KIF2A: variants seen among roughly 807,000 people sequenced by gnomAD.
KIF2A encodes the protein kinesin-like protein KIF2A.
A neutral mutation model predicts 100.2 loss-of-function variants in KIF2A; 22 were observed. The observed-to-expected ratio is 0.22, with a 90% CI of 0.16 to 0.31. The LOEUF (loss-of-function observed/expected upper bound fraction) is 0.31. Among genes scored for constraint, KIF2A ranks in the 10% least tolerant of loss-of-function variants. The pLI, the probability that KIF2A is intolerant of heterozygous loss-of-function variation, is 1.00. For missense variants in KIF2A, 495 were observed against 898.7 expected (o/e 0.55, Z 5.74); for synonymous variants, 268 against 285.9 (o/e 0.94, Z 0.63).
intron 1 of KIF2A, among the ~76,000 whole-genome samples, chr5:62,315,834 T>C (rs1745792881): frequency 6.6e-6 from 1 of 152,150 alleles, no homozygotes; most frequent in East Asian, 1.9e-4. Flanking sequence ...GTAGCATGGA[T>C]AAGATTGCAT....
In KIF2A at chr5:62,353,906, T is replaced by C. The variant is rs185935510; in HGVS notation, c.558+531T>C. On this transcript the variant is annotated intron_variant, in intron 6 of 20. Coordinates refer to ENST00000407818, the MANE Select transcript of KIF2A (RefSeq NM_001098511.3). ...GACTGTTTAATAGCAGTGGGAAAATTGCATAGAAAACTGGTCTTTTACTCT... is the reference window on the plus strand; with the variant it reads ...GACTGTTTAATAGCAGTGGGAAAATCGCATAGAAAACTGGTCTTTTACTCT... Among the ~76,000 whole-genome samples the C allele has an allele frequency of 4.2e-3, 642 of 151,922 alleles. 8 individuals carry two copies. The highest frequency in any genetic ancestry group is 0.015 in the African/African-American group (605 of 41,268).
At chr5:62,362,919 T>G (rs778239316) in intron 12 of KIF2A, among the ~76,000 whole-genome samples, 3 of 152,202 alleles carry the variant, frequency 2.0e-5, no homozygotes, top group Non-Finnish European at 2.9e-5. Flanking sequence ...TTCAATCTCC[T>G]GAGCTCAAGT....
In KIF2A at chr5:62,352,567, AT is replaced by A. The variant is rs762620321; in HGVS notation, c.335-9del. On this transcript the variant is annotated intron_variant, in intron 4 of 20. Transcript: ENST00000407818. ...ACTAATTTTCTATCCTGAATTTAAA[AT>A]TTTTTTTTTTTACTTACAGTGGTTG... 52,753 of 929,956 alleles carry A rather than the reference AT, an allele frequency of 0.057. No individual in the cohort carries two copies. The highest frequency in any genetic ancestry group is 0.083 in the South Asian group (4,045 of 48,600). The allele number at this position is 929,956 out of a possible 1,614,324, so 57.6% of individuals were successfully genotyped here.
In KIF2A at chr5:62,362,505, A is replaced by G; in HGVS notation, c.1083A>G (p.Gln361=). 2 of 1,460,502 alleles carry G rather than the reference A, an allele frequency of 1.4e-6. No homozygotes were observed. Among genetic ancestry groups the G allele is most frequent in the South Asian group, 1.6e-5 (1 of 62,418 alleles). 90.5% of individuals were successfully genotyped at this position (1,460,502 alleles called of 1,614,324 possible). The change falls in exon 12 of 21, where the codon CAA becomes CAG. Residue 361 remains glutamine (Q), a synonymous_variant. Coordinates refer to ENST00000407818, the MANE Select transcript of KIF2A (RefSeq NM_001098511.3). The part of the protein sequence containing the change: ...KKPNYKKLEL[Q]VYATFFEIYS... ...CAAACTATAAGAAGCTAGAACTTCA[A>G]GTATATGCAACCTTCTTTGAAATTT...
chr5:62,326,145 T>C (rs1705276787), intron 1 of KIF2A, among the ~76,000 whole-genome samples: 1 of 152,190 alleles, frequency 6.6e-6, no homozygotes, highest in Admixed American at 6.5e-5. Flanking sequence ...AAAATGCCTC[T>C]GCAGACCAAA....
At chr5:62,374,494 T>G (rs1160221661) in intron 18 of KIF2A, among the ~76,000 whole-genome samples, 1 of 152,160 alleles carries the variant, frequency 6.6e-6, no homozygotes, top group African/African-American at 2.4e-5. Context: ...GGGAAAAATT[T>G]AAAGTAATAT....
rs1240411743 is a variant in KIF2A, at chr5:62,390,274, A to G, written c.*4705A>G. Among the ~76,000 whole-genome samples, 1 of 152,256 alleles carries G rather than the reference A, an allele frequency of 6.6e-6. No individual in the cohort carries two copies. The highest frequency in any genetic ancestry group is 1.5e-5 in the Non-Finnish European group (1 of 68,048). ...TTAATTGAAGCCTTATTCTGTTTTC[A>G]TAAGACTTACTTGCTTAATTCAAGC... On this transcript the variant is annotated 3_prime_UTR_variant, in exon 21 of 21. Coordinates refer to ENST00000407818, the MANE Select transcript of KIF2A (RefSeq NM_001098511.3).
In KIF2A at chr5:62,340,000, G is replaced by A. The variant is rs140388798; in HGVS notation, c.65-7130G>A. Among the ~76,000 whole-genome samples, 911 of 149,294 alleles carry A rather than the reference G, an allele frequency of 6.1e-3. 5 individuals are homozygous for A. The highest frequency in any genetic ancestry group is 0.011 in the Admixed American group (157 of 14,906). ...ATTGTCCAGGCTGGAGTGCAATGGC[G>A]CGATCTTGGCTCACTGCAACCTCTG... is the stretch of plus-strand genomic sequence containing the variant. On this transcript the variant is annotated intron_variant, in intron 1 of 20. Coordinates refer to ENST00000407818, the MANE Select transcript of KIF2A (RefSeq NM_001098511.3).
intron 1 of KIF2A, among the ~76,000 whole-genome samples, chr5:62,310,381 C>T (rs1745504333): frequency 6.6e-6 from 1 of 152,298 alleles, no homozygotes; most frequent in East Asian, 1.9e-4. Flanking sequence ...TCCCTGAATG[C>T]ATCTGTGTCA....
intron 9 of KIF2A, among the ~76,000 whole-genome samples, chr5:62,360,543 G>C (rs1225850831): frequency 6.6e-6 from 1 of 152,130 alleles, no homozygotes. Context: ...AAATTAGCTG[G>C]GTGTGGTGGC....
At chr5:62,330,687 A>G (rs1474379907) in intron 1 of KIF2A, among the ~76,000 whole-genome samples, 1 of 152,146 alleles carries the variant, frequency 6.6e-6, no homozygotes, top group Non-Finnish European at 1.5e-5. Flanking sequence ...ACAGGAGATA[A>G]CTAGATTTTA....
At chr5:62,339,777 A>C (rs78760696) in intron 1 of KIF2A, among the ~76,000 whole-genome samples, 99 of 151,222 alleles carry the variant, frequency 6.5e-4, no homozygotes, top group African/African-American at 1.7e-3. Context: ...AAAAAAAAAA[A>C]CACACAGGTC....
chr5:62,319,085 T>C (rs1745973856), intron 1 of KIF2A, among the ~76,000 whole-genome samples: 2 of 151,860 alleles, frequency 1.3e-5, no homozygotes, highest in Middle Eastern at 3.4e-3. Flanking sequence ...CTTTTGGTCA[T>C]GCTAGCATTA....
rs1267732874 is a variant in KIF2A, at chr5:62,311,854, A to AAT, written c.64+5319_64+5320dup. The AAT allele has an allele frequency of 2.6e-5, 4 of 152,176 alleles. No homozygotes were observed. The South Asian group carries it at 6.2e-4, about 24-fold the overall frequency. The allele number at this position is 152,176 out of a possible 1,614,324, so 9.4% of individuals were successfully genotyped here. On this transcript the variant is annotated intron_variant, in intron 1 of 20. Transcript: ENST00000407818. ...CCAAGTGCTTCAAGACATGTTAGCT[A>AAT]ATTGGATCTTCACAGGAACTCTATG... is the stretch of plus-strand genomic sequence containing the variant.
chr5:62,347,908 G>A (rs1300409719), intron 2 of KIF2A, 140 bp from the exon 3 acceptor site: 2 of 812,986 alleles, frequency 2.5e-6, no homozygotes, highest in Non-Finnish European at 3.7e-6. Flanking sequence ...ACAGGCATGA[G>A]CCACTGCACC....
At chr5:62,311,102 T>C (rs1188019006) in intron 1 of KIF2A, among the ~76,000 whole-genome samples, 1 of 152,220 alleles carries the variant, frequency 6.6e-6, no homozygotes, top group Non-Finnish European at 1.5e-5. Context: ...GTTTTCATTT[T>C]TATAAATGTG....
intron 1 of KIF2A, among the ~76,000 whole-genome samples, chr5:62,307,472 C>G (rs968891011): frequency 6.6e-6 from 1 of 151,770 alleles, no homozygotes; most frequent in Non-Finnish European, 1.5e-5. Flanking sequence ...GTGAGATACG[C>G]CAGCCAGACT....
intron 16 of KIF2A, among the ~76,000 whole-genome samples, chr5:62,369,660 C>T (rs570962251): frequency 7.0e-6 from 1 of 142,470 alleles, no homozygotes; most frequent in Non-Finnish European, 1.5e-5. Context: ...TGTTTTGTGA[C>T]CTTAAGAGTC....
At chr5:62,319,715 C>T (rs1019787874) in intron 1 of KIF2A, among the ~76,000 whole-genome samples, 20 of 152,182 alleles carry the variant, frequency 1.3e-4, no homozygotes, top group Non-Finnish European at 2.4e-4. Flanking sequence ...CAAGTTTTGA[C>T]ATTCTAAAAA....
Sources: allele counts gnomAD v4.1 joint callset (sites outside exome capture counted in the v4.1 genomes callset), GRCh38; gene constraint gnomAD v4.1.1; transcripts MANE v1.5; gene names NCBI Gene and HGNC (gene_info 2026-07-23, HGNC 2026-07-21).